ARHGAP24: variants seen among roughly 807,000 people sequenced by gnomAD.
ARHGAP24 encodes the protein Rho GTPase activating protein 24, also known as rho GTPase-activating protein 24.
A neutral mutation model predicts 76.4 loss-of-function variants in ARHGAP24; 50 were observed. The ratio of observed to expected loss-of-function variants is 0.65; its 90% CI spans 0.52 to 0.83. The LOEUF (loss-of-function observed/expected upper bound fraction) is 0.83, where lower values mean the gene tolerates loss of function less well. ARHGAP24 is among the 40% of genes least tolerant of loss of function. The pLI is 0.00. For missense variants in ARHGAP24, 930 were observed against 914.2 expected (o/e 1.02, Z -0.22); for synonymous variants, 345 against 323.3 (o/e 1.07, Z -0.72).
intron 8 of ARHGAP24, among the ~76,000 whole-genome samples, chr4:85,985,940 G>T (rs986783750): frequency 6.6e-6 from 1 of 152,174 alleles, no homozygotes; most frequent in African/African-American, 2.4e-5. Flanking sequence ...AACTGCACCA[G>T]TTGGAAAATG....
At chr4:85,897,534 T>C (rs1305581065) in intron 3 of ARHGAP24, among the ~76,000 whole-genome samples, 2 of 152,178 alleles carry the variant, frequency 1.3e-5, no homozygotes, top group Non-Finnish European at 2.9e-5. Context: ...CAAGTCATAA[T>C]TTACAAGTAT....
intron 2 of ARHGAP24, among the ~76,000 whole-genome samples, chr4:85,590,252 C>T (rs933257777): frequency 4.6e-5 from 7 of 151,060 alleles, no homozygotes; most frequent in African/African-American, 1.7e-4. Flanking sequence ...CTCCCACCTC[C>T]CTCCATCCCT....
intron 3 of ARHGAP24, among the ~76,000 whole-genome samples, chr4:85,758,263 C>G (rs762508032): frequency 2.6e-5 from 4 of 152,160 alleles, no homozygotes; most frequent in Admixed American, 6.5e-5. Flanking sequence ...AGCCGTGTAC[C>G]TACAAGAGTG....
intron 1 of ARHGAP24, among the ~76,000 whole-genome samples, chr4:85,481,179 G>GA (rs1009648494): frequency 3.3e-5 from 5 of 152,072 alleles, no homozygotes; most frequent in Admixed American, 2.6e-4. Flanking sequence ...AGTAATTCTA[G>GA]ATGTAATCTA....
chr4:85,992,272 C>G (rs1417677915), intron 8 of ARHGAP24: 2 of 393,718 alleles, frequency 5.1e-6, no homozygotes, highest in East Asian at 3.6e-5. Context: ...TATAAAAATT[C>G]TAAGAAAGTC....
At chr4:85,911,704 A>G (rs190165328) in intron 3 of ARHGAP24, among the ~76,000 whole-genome samples, 13 of 152,316 alleles carry the variant, frequency 8.5e-5, no homozygotes, top group Admixed American at 7.8e-4. Flanking sequence ...CAGCTTTGTG[A>G]TGATTCCCTA....
At chr4:85,724,148 C>T (rs1725065195) in intron 3 of ARHGAP24, among the ~76,000 whole-genome samples, 1 of 152,256 alleles carries the variant, frequency 6.6e-6, no homozygotes, top group African/African-American at 2.4e-5. Flanking sequence ...GCAGCAGATC[C>T]TCATAAAGCA....
intron 5 of ARHGAP24, among the ~76,000 whole-genome samples, chr4:85,949,139 T>C (rs986938263): frequency 2.0e-5 from 3 of 152,174 alleles, no homozygotes; most frequent in African/African-American, 7.2e-5. Context: ...GCATTTACCT[T>C]TCTCTAGCCT....
chr4:85,845,899 C>G (rs1312997922), intron 3 of ARHGAP24, among the ~76,000 whole-genome samples: 4 of 151,736 alleles, frequency 2.6e-5, no homozygotes, highest in African/African-American at 9.7e-5. Flanking sequence ...AATTTTTTTT[C>G]TTTTTCTTTT....
At chr4:85,907,243 G>T (rs1734818044) in intron 3 of ARHGAP24, among the ~76,000 whole-genome samples, 1 of 152,140 alleles carries the variant, frequency 6.6e-6, no homozygotes, top group Non-Finnish European at 1.5e-5. Flanking sequence ...CCTGTGGTCA[G>T]CTTGTCATTT....
chr4:85,785,010 G>C (rs1727763533), intron 3 of ARHGAP24, among the ~76,000 whole-genome samples: 1 of 151,642 alleles, frequency 6.6e-6, no homozygotes, highest in Admixed American at 6.6e-5. Context: ...CATAAATATA[G>C]ATAGATATAA....
chr4:85,583,870 T>C (rs1279700056), intron 2 of ARHGAP24, among the ~76,000 whole-genome samples: 1 of 130,818 alleles, frequency 7.6e-6, no homozygotes. Flanking sequence ...ATCAGAGAAA[T>C]GCAAATCAAA....
intron 1 of ARHGAP24, among the ~76,000 whole-genome samples, chr4:85,564,944 A>ATG (rs1726771427): frequency 9.6e-6 from 1 of 104,114 alleles, no homozygotes; most frequent in Admixed American, 8.4e-5. Context: ...ATATATATAT[A>ATG]TATATATATA....
intron 2 of ARHGAP24, among the ~76,000 whole-genome samples, chr4:85,588,269 T>C (rs1727941099): frequency 6.6e-6 from 1 of 152,350 alleles, no homozygotes. Flanking sequence ...TTTTTAATTG[T>C]TGACGTTTTG....
At chr4:85,521,846 A>G (rs1431337800) in intron 1 of ARHGAP24, among the ~76,000 whole-genome samples, 1 of 152,164 alleles carries the variant, frequency 6.6e-6, no homozygotes, top group Non-Finnish European at 1.5e-5. Context: ...GAAGAGGCCA[A>G]TGTAGTTATT....
chr4:85,958,870 T>C (rs143301776), intron 5 of ARHGAP24, among the ~76,000 whole-genome samples: 36 of 152,348 alleles, frequency 2.4e-4, no homozygotes, highest in Middle Eastern at 6.8e-3. Context: ...TTTCTGTCTC[T>C]ATAGATTTTT....
intron 3 of ARHGAP24, among the ~76,000 whole-genome samples, chr4:85,747,586 C>G (rs1487568046): frequency 6.6e-6 from 1 of 151,960 alleles, no homozygotes; most frequent in Non-Finnish European, 1.5e-5. Flanking sequence ...GCCTGTAGTC[C>G]CAGCTACTCG....
At chr4:85,674,027 C>G (rs1440181848) in intron 2 of ARHGAP24, among the ~76,000 whole-genome samples, 1 of 152,146 alleles carries the variant, frequency 6.6e-6, no homozygotes, top group Non-Finnish European at 1.5e-5. Flanking sequence ...ATGTCTTACA[C>G]TAGCCTGGGC....
intron 3 of ARHGAP24, among the ~76,000 whole-genome samples, chr4:85,917,380 C>T: frequency 6.6e-6 from 1 of 151,906 alleles, no homozygotes; most frequent in Non-Finnish European, 1.5e-5. Context: ...CATACGTGTG[C>T]ATGTGTCTTT....
Sources: gnomAD v4.1 joint callset for allele counts (sites outside exome capture counted in the v4.1 genomes callset) on GRCh38, gnomAD v4.1.1 for gene constraint, MANE v1.5 for transcripts, NCBI Gene and HGNC (gene_info 2026-07-23, HGNC 2026-07-21) for gene names.